ARHGAP26: variants seen among roughly 807,000 people sequenced by gnomAD.
ARHGAP26 encodes the protein Rho GTPase activating protein 26.
Under a neutral mutation model 104.8 loss-of-function variants are expected in ARHGAP26, and 38 were observed. That is an observed-to-expected ratio of 0.36 (90% CI 0.28 to 0.48). ARHGAP26 has a LOEUF of 0.48. Among genes scored for constraint, ARHGAP26 ranks in the 20% least tolerant of loss-of-function variants. ARHGAP26 has a pLI of 0.99. For synonymous variants in ARHGAP26, 341 were observed against 340.0 expected (o/e 1.00, Z -0.03); for missense variants, 704 against 947.9 (o/e 0.74, Z 3.38).
At chr5:142,829,026 T>C (rs1198473307) in intron 1 of ARHGAP26, among the ~76,000 whole-genome samples, 1 of 152,222 alleles carries the variant, frequency 6.6e-6, no homozygotes, top group Non-Finnish European at 1.5e-5. Flanking sequence ...GCCACTGTGT[T>C]CAAAAGAAAG....
At chr5:143,148,991 G>A (rs1799483576) in intron 20 of ARHGAP26, among the ~76,000 whole-genome samples, 1 of 152,202 alleles carries the variant, frequency 6.6e-6, no homozygotes, top group African/African-American at 2.4e-5. Context: ...GCTGAGTACA[G>A]TGTGTACAAA....
chr5:142,946,082 T>C (rs942787284), intron 11 of ARHGAP26, among the ~76,000 whole-genome samples: 1 of 152,214 alleles, frequency 6.6e-6, no homozygotes, highest in African/African-American at 2.4e-5. Flanking sequence ...TATCCTCCCT[T>C]CATCTAGGTA....
chr5:143,054,687 G>A (rs1336960388), intron 15 of ARHGAP26, among the ~76,000 whole-genome samples, 161 bp downstream of exon 15: 1 of 152,218 alleles, frequency 6.6e-6, no homozygotes, highest in Non-Finnish European at 1.5e-5. Flanking sequence ...CAAACCAATC[G>A]TAAATCATCC....
At chr5:143,065,985 C>T (rs1787420927) in intron 17 of ARHGAP26, among the ~76,000 whole-genome samples, 1 of 152,144 alleles carries the variant, frequency 6.6e-6, no homozygotes, top group African/African-American at 2.4e-5. Flanking sequence ...CGCCTCATTC[C>T]CCCAAGAATC....
At chr5:142,775,866 T>C (rs1037058467) in intron 1 of ARHGAP26, among the ~76,000 whole-genome samples, 2 of 152,246 alleles carry the variant, frequency 1.3e-5, no homozygotes, top group African/African-American at 4.8e-5. Flanking sequence ...ACAGCTGTCA[T>C]TAGGAAAGAC....
intron 10 of ARHGAP26, among the ~76,000 whole-genome samples, chr5:142,926,487 G>C (rs2152518768): frequency 6.6e-6 from 1 of 152,316 alleles, no homozygotes; most frequent in South Asian, 2.1e-4. Flanking sequence ...TCTCTCATCT[G>C]GCGGGTGGAG....
intron 20 of ARHGAP26, among the ~76,000 whole-genome samples, chr5:143,154,918 C>T (rs1266799716): frequency 6.6e-6 from 1 of 152,066 alleles, no homozygotes; most frequent in Non-Finnish European, 1.5e-5. Context: ...TACACCCAAA[C>T]AGGCTGCTAT....
chr5:143,166,604 A>G (rs258781), intron 20 of ARHGAP26, among the ~76,000 whole-genome samples: 123,205 of 152,096 alleles, frequency 0.81, 50,635 homozygotes, highest in African/African-American at 0.92. Context: ...GACCCCTGAC[A>G]GCCCCAGTGC....
intron 17 of ARHGAP26, among the ~76,000 whole-genome samples, chr5:143,113,033 A>G (rs1368665041): frequency 6.6e-6 from 1 of 152,220 alleles, no homozygotes; most frequent in Non-Finnish European, 1.5e-5. Context: ...AGGAGCTACC[A>G]TACTGGATGC....
intron 12 of ARHGAP26, among the ~76,000 whole-genome samples, chr5:143,031,943 G>C (rs1198468820): frequency 6.6e-6 from 1 of 152,002 alleles, no homozygotes; most frequent in East Asian, 1.9e-4. Flanking sequence ...AGCCTCCCGG[G>C]GTTCATATCC....
In ARHGAP26 at chr5:143,106,598, G is replaced by A. The variant is rs970158397; in HGVS notation, c.1539-14390G>A. Among the ~76,000 whole-genome samples, 6 of 143,822 alleles carry A rather than the reference G, an allele frequency of 4.2e-5. No individual in the cohort carries two copies. The South Asian group carries it at 6.9e-4, about 16-fold the overall frequency. 94.4% of individuals were successfully genotyped at this position (143,822 alleles called of 152,430 possible). A position where few individuals can be genotyped will look rare whatever the true frequency, so the allele number is the denominator to read the frequency against. ...GGCGATTCTCCTGCCTCAGCCTCCC[G>A]AGTAGCTGGGACTACAGGCACGTGG... On this transcript the variant is annotated intron_variant, in intron 17 of 22. Coordinates refer to ENST00000645722, the MANE Select transcript of ARHGAP26 (RefSeq NM_001135608.3).
intron 20 of ARHGAP26, among the ~76,000 whole-genome samples, chr5:143,179,429 C>T (rs191321213): frequency 5.9e-5 from 9 of 152,302 alleles, no homozygotes; most frequent in East Asian, 1.9e-4. Flanking sequence ...TCCTGGGTTG[C>T]GTTGCTTTTT....
chr5:143,219,719 AG>A (rs1377343865), intron 22 of ARHGAP26, among the ~76,000 whole-genome samples: 1 of 152,208 alleles, frequency 6.6e-6, no homozygotes, highest in Non-Finnish European at 1.5e-5. Flanking sequence ...GGCACAGAAA[AG>A]TTATAGCTCC....
At chr5:142,948,259 C>G (rs1212352879) in intron 11 of ARHGAP26, among the ~76,000 whole-genome samples, 1 of 151,838 alleles carries the variant, frequency 6.6e-6, no homozygotes, top group Non-Finnish European at 1.5e-5. Flanking sequence ...GCCCAGGGAT[C>G]AGGAATTGGT....
rs1176099452 is a variant in ARHGAP26 at position 142,986,948 on chromosome 5, G to C, written c.1108-27132G>C. On this transcript the variant is annotated intron_variant, in intron 11 of 22. Transcript: ENST00000645722. ...GAAATCAGGTAGTGTGATGCCTCAA[G>C]CTTTGTTCTTTTGGCTTAGGATTGT... Among the ~76,000 whole-genome samples, 3 of 152,178 alleles carry C rather than the reference G, an allele frequency of 2.0e-5. No individual in the cohort carries two copies. In the East Asian group the frequency reaches 5.8e-4, roughly 29 times the overall value.
rs77621399 is a variant in ARHGAP26, at chr5:143,205,627, G to A, written c.1989-1571G>A. Among the ~76,000 whole-genome samples the A allele has an allele frequency of 2.4e-4, 37 of 152,320 alleles. 1 individual carries two copies. In the East Asian group the frequency reaches 6.0e-3, roughly 25 times the overall value. On this transcript the variant is annotated intron_variant, in intron 20 of 22. Transcript: ENST00000645722. ...GAACAGGGCAAGTCCTGCTATGTCA[G>A]AGGGAGTACGCTGGCTGCAGGAGCC...
At chr5:142,847,590 C>T (rs548203632) in intron 1 of ARHGAP26, among the ~76,000 whole-genome samples, 43 of 152,316 alleles carry the variant, frequency 2.8e-4, no homozygotes. Flanking sequence ...CTCCGGACCT[C>T]AGGTGATCCG....
At chr5:143,191,355 T>G (rs755386513) in intron 20 of ARHGAP26, among the ~76,000 whole-genome samples, 2 of 152,190 alleles carry the variant, frequency 1.3e-5, no homozygotes, top group Non-Finnish European at 2.9e-5. Context: ...ACAAATATGC[T>G]TTTCATTCAT....
intron 19 of ARHGAP26, among the ~76,000 whole-genome samples, chr5:143,144,865 T>A (rs901915937): frequency 6.6e-6 from 1 of 152,260 alleles, no homozygotes; most frequent in Non-Finnish European, 1.5e-5. Flanking sequence ...GTAAAGATTG[T>A]CAGCCTTTTG....
Sources: allele counts gnomAD v4.1 joint callset (sites outside exome capture counted in the v4.1 genomes callset), GRCh38; gene constraint gnomAD v4.1.1; transcripts MANE v1.5; gene names NCBI Gene and HGNC (gene_info 2026-07-23, HGNC 2026-07-21).